KCNH7: variants seen among roughly 807,000 people sequenced by gnomAD.
KCNH7 encodes the protein potassium voltage-gated channel subfamily H member 7.
A neutral mutation model predicts 120.8 loss-of-function variants in KCNH7; 49 were observed. The observed-to-expected ratio is 0.41, with a 90% CI of 0.32 to 0.51. The LOEUF (loss-of-function observed/expected upper bound fraction) is 0.51, where lower values mean the gene tolerates loss of function less well. Among genes scored for constraint, KCNH7 ranks in the 20% least tolerant of loss-of-function variants. The probability of loss-of-function intolerance (pLI) is 0.38; values close to 1 mark genes in which losing one functional copy is unlikely to be tolerated. For missense variants in KCNH7, 1,097 were observed against 1,446.6 expected (o/e 0.76, Z 3.92); for synonymous variants, 547 against 516.1 (o/e 1.06, Z -0.81).
chr2:162,691,270 T>A (rs1186092590), intron 2 of KCNH7, among the ~76,000 whole-genome samples: 1 of 152,200 alleles, frequency 6.6e-6, no homozygotes, highest in African/African-American at 2.4e-5. Context: ...CTAGGACCAC[T>A]GTTACGATTT....
At chr2:162,513,029 A>G (rs1171624998) in intron 4 of KCNH7, among the ~76,000 whole-genome samples, 1 of 151,946 alleles carries the variant, frequency 6.6e-6, no homozygotes, top group East Asian at 2.0e-4. Flanking sequence ...GTGTCTCCTC[A>G]ACTATCACTT....
At chr2:162,539,035 C>T (rs921493866) in intron 2 of KCNH7, among the ~76,000 whole-genome samples, 6 of 152,048 alleles carry the variant, frequency 3.9e-5, no homozygotes, top group African/African-American at 1.4e-4. Context: ...GCAAGCTGCA[C>T]CTTCAGTCTT....
At chr2:162,778,946 C>CTTTTTTTTTTTTTTT (rs200107249) in intron 2 of KCNH7, among the ~76,000 whole-genome samples, 2 of 136,494 alleles carry the variant, frequency 1.5e-5, no homozygotes, top group Non-Finnish European at 3.2e-5. Context: ...GGAACAAATT[C>CTTTTTTTTTTTTTTT]TTTTTTTTTT....
chr2:162,433,693 A>C (rs138478599), intron 8 of KCNH7, among the ~76,000 whole-genome samples: 5 of 152,136 alleles, frequency 3.3e-5, no homozygotes, highest in Non-Finnish European at 7.4e-5. Flanking sequence ...AAAACCTAGG[A>C]AATACCATCT....
chr2:162,737,169 C>T (rs1305759609), intron 2 of KCNH7, among the ~76,000 whole-genome samples: 3 of 152,154 alleles, frequency 2.0e-5, no homozygotes, highest in Non-Finnish European at 2.9e-5. Context: ...TAGTTCCAAG[C>T]ACCTCTGGGG....
intron 1 of KCNH7, among the ~76,000 whole-genome samples, 194 bp downstream of exon 1, chr2:162,838,249 G>A (rs1055072899): frequency 9.9e-5 from 15 of 152,146 alleles, no homozygotes; most frequent in Non-Finnish European, 2.2e-4. Flanking sequence ...AATGGAGACC[G>A]TAATCTAAAA....
intron 2 of KCNH7, among the ~76,000 whole-genome samples, chr2:162,613,607 G>A (rs934168501): frequency 1.8e-4 from 28 of 151,688 alleles, no homozygotes; most frequent in African/African-American, 6.8e-4. Flanking sequence ...AAAATACACT[G>A]TTCTTTCCTA....
chr2:162,702,178 G>A (rs1448072627), intron 2 of KCNH7, among the ~76,000 whole-genome samples: 1 of 151,984 alleles, frequency 6.6e-6, no homozygotes, highest in Non-Finnish European at 1.5e-5. Context: ...TAATCAGCAA[G>A]AATGATAAAA....
chr2:162,451,157 G>A (rs1688758157), intron 6 of KCNH7, among the ~76,000 whole-genome samples: 1 of 151,924 alleles, frequency 6.6e-6, no homozygotes, highest in Non-Finnish European at 1.5e-5. Flanking sequence ...AAAAAATTGT[G>A]TAATGTAGAT....
At chr2:162,732,197 C>T (rs1559105648) in intron 2 of KCNH7, among the ~76,000 whole-genome samples, 1 of 152,084 alleles carries the variant, frequency 6.6e-6, no homozygotes. Context: ...CAATACTCTT[C>T]TCCCTTTTCT....
intron 2 of KCNH7, among the ~76,000 whole-genome samples, chr2:162,703,866 T>G (rs1177388259): frequency 1.3e-5 from 2 of 152,086 alleles, no homozygotes; most frequent in Non-Finnish European, 1.5e-5. Flanking sequence ...ATATATGATC[T>G]CAACAAAATG....
chr2:162,596,141 T>G (rs1419131590), intron 2 of KCNH7, among the ~76,000 whole-genome samples: 1 of 152,022 alleles, frequency 6.6e-6, no homozygotes, highest in Non-Finnish European at 1.5e-5. Flanking sequence ...TCCAAACGGA[T>G]CTATAGATTC....
intron 2 of KCNH7, among the ~76,000 whole-genome samples, chr2:162,744,287 T>C (rs1040936939): frequency 1.3e-5 from 2 of 152,212 alleles, no homozygotes; most frequent in African/African-American, 4.8e-5. Flanking sequence ...GAGAACTTGA[T>C]AGCATTTTTA....
intron 2 of KCNH7, among the ~76,000 whole-genome samples, chr2:162,818,122 C>T (rs1684979359): frequency 6.6e-6 from 1 of 151,648 alleles, no homozygotes; most frequent in African/African-American, 2.4e-5. Flanking sequence ...TTGATGATGT[C>T]ATATTCATTA....
chr2:162,650,962 G>T (rs1006954989), intron 2 of KCNH7, among the ~76,000 whole-genome samples: 2 of 152,150 alleles, frequency 1.3e-5, no homozygotes, highest in Admixed American at 6.6e-5. Context: ...ACCATGAGTA[G>T]CATTCAGAGA....
At chr2:162,401,513 G>GTT (rs1206779187) in intron 9 of KCNH7, among the ~76,000 whole-genome samples, 1 of 151,850 alleles carries the variant, frequency 6.6e-6, no homozygotes, top group African/African-American at 2.4e-5. Context: ...ACCATGAATT[G>GTT]TTTGTAAGGC....
chr2:162,704,474 G>A (rs1686623808), intron 2 of KCNH7, among the ~76,000 whole-genome samples: 1 of 152,152 alleles, frequency 6.6e-6, no homozygotes, highest in South Asian at 2.1e-4. Flanking sequence ...AGAAATTACA[G>A]CATCTGTTTT....
At chr2:162,648,327 G>T (rs112120304) in intron 2 of KCNH7, among the ~76,000 whole-genome samples, 2,390 of 152,152 alleles carry the variant, frequency 0.016, 44 homozygotes, top group African/African-American at 0.05. Flanking sequence ...CAAACAACCA[G>T]ATCTCCTGAG....
At chr2:162,528,467 A>C (rs561151286) in intron 3 of KCNH7, 1 of 152,106 alleles carries the variant, frequency 6.6e-6, no homozygotes, top group Admixed American at 6.5e-5. Flanking sequence ...AGTCCTTTGG[A>C]ATAGGTATGC....
Sources: gnomAD v4.1 joint callset for allele counts (sites outside exome capture counted in the v4.1 genomes callset) on GRCh38, gnomAD v4.1.1 for gene constraint, MANE v1.5 for transcripts, NCBI Gene and HGNC (gene_info 2026-07-23, HGNC 2026-07-21) for gene names.